ADAMTS2: variants seen among roughly 807,000 people sequenced by gnomAD.
The protein encoded by ADAMTS2 is A disintegrin and metalloproteinase with thrombospondin motifs 2.
Under a neutral mutation model 123.0 loss-of-function variants are expected in ADAMTS2, and 50 were observed. The observed-to-expected ratio is 0.41, with a 90% CI of 0.32 to 0.51. ADAMTS2 has a LOEUF of 0.51. Ranked by LOEUF, ADAMTS2 falls within the 20% of genes least tolerant of loss-of-function variation. The pLI is 0.35. For synonymous variants in ADAMTS2, 678 were observed against 695.4 expected, an observed-to-expected ratio of 0.98 and a Z score of 0.39; for missense variants, 1,494 against 1,705.2, an observed-to-expected ratio of 0.88 and a Z score of 2.18.
chr5:179,219,559 GA>G (rs1188095569), intron 3 of ADAMTS2, among the ~76,000 whole-genome samples: 1 of 152,240 alleles, frequency 6.6e-6, no homozygotes, highest in African/African-American at 2.4e-5. Flanking sequence ...TCTATGACCA[GA>G]AAAGGGGCCA....
intron 3 of ADAMTS2, among the ~76,000 whole-genome samples, chr5:179,231,145 C>A (rs985906626): frequency 5.3e-5 from 8 of 152,280 alleles, no homozygotes; most frequent in Admixed American, 2.6e-4. Context: ...AAGCCAGGCC[C>A]AGAAGGACAA....
At chr5:179,164,290 A>G (rs1405802391) in intron 5 of ADAMTS2, among the ~76,000 whole-genome samples, 3 of 152,242 alleles carry the variant, frequency 2.0e-5, no homozygotes, top group Non-Finnish European at 4.4e-5. Flanking sequence ...AGGCCCAGAC[A>G]TTGACCTTGT....
rs187929705 is a variant in ADAMTS2, at chr5:179,302,237, G to A, written c.535-29173C>T. Among the ~76,000 whole-genome samples the A allele has an allele frequency of 4.9e-3, 740 of 152,028 alleles. 9 individuals carry two copies. The highest frequency in any genetic ancestry group is 0.017 in the African/African-American group (707 of 41,452). On this transcript the variant is annotated intron_variant, in intron 2 of 21. Transcript: ENST00000251582. The stretch of plus-strand genomic sequence containing the variant: ...AGCATTTTGGGAGGCTGAGGTGGGC[G>A]GATCATGAGGTCAGGAGATGGAGAC...
At chr5:179,167,331 C>G (rs114011775) in intron 5 of ADAMTS2, among the ~76,000 whole-genome samples, 4,337 of 152,046 alleles carry the variant, frequency 0.029, 210 homozygotes, top group African/African-American at 0.098. Flanking sequence ...ACGCACCCGG[C>G]GCCCAGACTC....
At chr5:179,337,068 A>G (rs942190908) in intron 2 of ADAMTS2, among the ~76,000 whole-genome samples, 2 of 152,204 alleles carry the variant, frequency 1.3e-5, no homozygotes, top group Non-Finnish European at 2.9e-5. Flanking sequence ...GGGCTCGGTA[A>G]TAACTTCTCC....
At chr5:179,323,519 T>A (rs777111817) in intron 2 of ADAMTS2, among the ~76,000 whole-genome samples, 21 of 152,238 alleles carry the variant, frequency 1.4e-4, no homozygotes, top group Non-Finnish European at 2.8e-4. Flanking sequence ...GACCTGTCAC[T>A]GCCCTGTGGG....
At chr5:179,319,101 C>A (rs146223775) in intron 2 of ADAMTS2, among the ~76,000 whole-genome samples, 1 of 152,330 alleles carries the variant, frequency 6.6e-6, no homozygotes, top group East Asian at 1.9e-4. Context: ...CTCCCACATG[C>A]AGCATGCATG....
chr5:179,207,213 G>T (rs761593662), intron 4 of ADAMTS2, among the ~76,000 whole-genome samples: 3 of 152,136 alleles, frequency 2.0e-5, no homozygotes, highest in Non-Finnish European at 2.9e-5. Context: ...CAAATGACGG[G>T]ACATTGAATG....
chr5:179,343,827 G>A lies in ADAMTS2; in HGVS notation c.474C>T (p.Val158=), dbSNP rs1363417062. Residue 158 remains valine, a synonymous_variant, in exon 2 of 22, where the codon GTC becomes GTT. Coordinates refer to ENST00000251582, the MANE Select transcript of ADAMTS2 (RefSeq NM_014244.5). ...VEPLLGSCLY[V]GDVAGLAEAS... ...CTTCGGCTAGGCCGGCCACGTCTCC[G>A]ACGTAGAGACAGCTCCCGAGCAGGG... The A allele has an allele frequency of 3.7e-6, 6 of 1,609,084 alleles. No homozygotes were observed. The highest frequency in any genetic ancestry group is 1.7e-5 in the Admixed American group (1 of 59,482).
At chr5:179,283,530 T>C (rs1376260240) in intron 2 of ADAMTS2, among the ~76,000 whole-genome samples, 2 of 70,172 alleles carry the variant, frequency 2.9e-5, no homozygotes, top group Non-Finnish European at 2.8e-5. Context: ...ATAGAAAATA[T>C]GGTAGACTAG....
At chr5:179,329,556 T>C (rs443941) in intron 2 of ADAMTS2, among the ~76,000 whole-genome samples, 83,887 of 151,904 alleles carry the variant, frequency 0.55, 23,234 homozygotes, top group East Asian at 0.67. Flanking sequence ...AAAGGAGTTA[T>C]ATATTTAAAA....
chr5:179,274,573 A>G lies in ADAMTS2; in HGVS notation c.535-1509T>C, dbSNP rs530421269. 3.3e-5 allele frequency among the ~76,000 whole-genome samples: 5 copies of G among 152,330 alleles called. No individual in the cohort carries two copies. The East Asian group carries it at 7.7e-4, about 24-fold the overall frequency. ...AAGTAACCTCATGATGGCCTCTGCC[A>G]TATCATCATCTTGGTTGTGGGGGGG... On this transcript the variant is annotated intron_variant, in intron 2 of 21. Transcript: ENST00000251582.
intron 2 of ADAMTS2, among the ~76,000 whole-genome samples, chr5:179,320,000 A>G (rs1757114380): frequency 6.6e-6 from 1 of 152,216 alleles, no homozygotes; most frequent in Non-Finnish European, 1.5e-5. Flanking sequence ...CCTGCTGCCC[A>G]GCCTGACGGC....
intron 4 of ADAMTS2, among the ~76,000 whole-genome samples, chr5:179,187,016 C>T (rs890171497): frequency 2.0e-5 from 3 of 152,268 alleles, no homozygotes; most frequent in African/African-American, 7.2e-5. Context: ...CTTCTCCATG[C>T]GTCACTTCAG....
rs761121157 is a variant in ADAMTS2, at chr5:179,129,881, C to T, written c.2457+51G>A. The T allele has an allele frequency of 1.2e-6, 2 of 1,609,128 alleles. No homozygotes were observed. The highest frequency in any genetic ancestry group is 2.2e-5 in the South Asian group (2 of 90,966). On this transcript the variant is annotated intron_variant, in intron 16 of 21. Transcript: ENST00000251582. This position sits in a 1 kb window ranked among gnomAD's most constrained non-coding sequence, Gnocchi z 4.1. ...AGCGTCCCAGGCACCCCCATCCCTC[C>T]CCCAGTGGCCACCCGCACCCTTCCC...
chr5:179,159,313 C>T (rs564605920), intron 5 of ADAMTS2, among the ~76,000 whole-genome samples: 5 of 152,126 alleles, frequency 3.3e-5, no homozygotes, highest in South Asian at 2.1e-4. Context: ...GCAGGGGAGG[C>T]GGAAATTCCA....
In ADAMTS2 at chr5:179,285,989, G is replaced by A. The variant is rs531122931; in HGVS notation, c.535-12925C>T. Among the ~76,000 whole-genome samples, 244 of 152,098 alleles carry A rather than the reference G, an allele frequency of 1.6e-3. 1 individual carries two copies. The highest frequency in any genetic ancestry group is 5.7e-3 in the African/African-American group (235 of 41,506). The stretch of plus-strand genomic sequence containing the variant: ...AGCACTTTGGGAGGCCGAGGCAGGC[G>A]GATCACCTGAGGTCAGGAGTTTGAG... On this transcript the variant is annotated intron_variant, in intron 2 of 21. Transcript: ENST00000251582. The surrounding 1 kb of genome is among the most constrained non-coding windows in gnomAD (Gnocchi z 4.9).
chr5:179,224,925 A>T (rs1223591640), intron 3 of ADAMTS2, among the ~76,000 whole-genome samples: 2 of 152,108 alleles, frequency 1.3e-5, no homozygotes, highest in Non-Finnish European at 2.9e-5. Flanking sequence ...TCTGGCCTGG[A>T]GAGGTTTTGA....
chr5:179,124,868 G>A (rs1251664688), intron 19 of ADAMTS2, 105 bp downstream of exon 19: 3 of 1,599,288 alleles, frequency 1.9e-6, no homozygotes, highest in African/African-American at 2.7e-5. Flanking sequence ...GCACGGAGCG[G>A]GTGGTGGTGT....
Sources: allele counts gnomAD v4.1 joint callset (sites outside exome capture counted in the v4.1 genomes callset), GRCh38; gene constraint gnomAD v4.1.1; non-coding constraint Gnocchi (gnomAD v3.1); transcripts MANE v1.5; gene names NCBI Gene and HGNC (gene_info 2026-07-23, HGNC 2026-07-21).